Variants in DNM1 observed in about 807,000 individuals in gnomAD.
The protein encoded by DNM1 is dynamin-1.
In DNM1, 29 loss-of-function variants were observed where a neutral mutation model predicts 104.6. The ratio of observed to expected loss-of-function variants is 0.28; its 90% CI spans 0.21 to 0.38. The LOEUF is 0.38. Among genes scored for constraint, DNM1 ranks in the 10% least tolerant of loss-of-function variants. The pLI is 1.00. For missense variants in DNM1, 640 were observed against 1,189.4 expected, an observed-to-expected ratio of 0.54 and a Z score of 6.79; for synonymous variants, 445 against 475.8, an observed-to-expected ratio of 0.94 and a Z score of 0.84.
intron 1 of DNM1, among the ~76,000 whole-genome samples, chr9:128,215,461 G>A (rs972632901): frequency 1.3e-5 from 2 of 152,226 alleles, no homozygotes; most frequent in Non-Finnish European, 2.9e-5. Context: ...GACAGAGATG[G>A]GCCACCTCCC....
Position 128,226,934 on chromosome 9 carries a change from A to G in DNM1, c.1335+2545A>G, listed in dbSNP as rs149677932. 1.0e-4 allele frequency among the ~76,000 whole-genome samples: 15 copies of G among 150,232 alleles called. No individual in the cohort carries two copies. The East Asian group carries it at 2.9e-3, about 30-fold the overall frequency. On this transcript the variant is annotated intron_variant, in intron 10 of 21. Coordinates refer to ENST00000372923, the MANE Select transcript of DNM1 (RefSeq NM_004408.4). The stretch of plus-strand genomic sequence containing the variant: ...GCCCAGCCTCACCTATATCTGAAGG[A>G]CTTCCCTATGCTGGTGGGTGGAGGC...
chr9:128,254,606 C>A lies in DNM1; in HGVS notation c.2535-48C>A. ...GCTGCGCTTGCCTTACCAGCTCTCT[C>A]CTCGCTTTTCTCTCCCGTTTTCTCT... On this transcript the variant is annotated intron_variant, in intron 21 of 21. Coordinates refer to ENST00000372923, the MANE Select transcript of DNM1 (RefSeq NM_004408.4). This position sits in a 1 kb window ranked among gnomAD's most constrained non-coding sequence, Gnocchi z 6.1. The A allele has an allele frequency of 6.3e-7, 1 of 1,590,674 alleles. No individual in the cohort carries two copies. The highest frequency in any genetic ancestry group is 8.5e-7 in the Non-Finnish European group (1 of 1,176,510).
At chr9:128,226,327 C>T (rs966556672) in intron 10 of DNM1, among the ~76,000 whole-genome samples, 4 of 152,196 alleles carry the variant, frequency 2.6e-5, no homozygotes, top group Non-Finnish European at 5.9e-5. Context: ...TGGGTACTTG[C>T]ACTCATGACC....
chr9:128,239,795 C>T lies in DNM1; in HGVS notation c.1545+16C>T, dbSNP rs1351176517. The T allele has an allele frequency of 6.2e-7, 1 of 1,611,638 alleles. No homozygotes were observed. On this transcript the variant is annotated intron_variant, in intron 13 of 21. Transcript: ENST00000372923. ...AGGGAACCAGGTGAGTGGGGCCCAG[C>T]ACCCCAGCCCGAGGGATGGAGGGTG...
chr9:128,239,406 G>C (rs377489813), intron 11 of DNM1, 39 bp from the exon 12 acceptor site: 1 of 1,556,652 alleles, frequency 6.4e-7, no homozygotes, highest in Non-Finnish European at 8.9e-7. Flanking sequence ...ACTTTGTGGT[G>C]TCTTTTGCGC....
Position 128,224,216 on chromosome 9 carries a change from T to C in DNM1, c.1197-35T>C. 6.2e-7 allele frequency: 1 copy of C among 1,602,490 alleles called. No individual in the cohort carries two copies. The highest frequency in any genetic ancestry group is 8.5e-7 in the Non-Finnish European group (1 of 1,173,726). ...GGCCCTCCTGGCCGGCACTGGCCTG[T>C]GACACTCTGCCCTTCTCCCGCTCCG... On this transcript the variant is annotated intron_variant, in intron 9 of 21. Coordinates refer to ENST00000372923, the MANE Select transcript of DNM1 (RefSeq NM_004408.4). This position sits in a 1 kb window ranked among gnomAD's most constrained non-coding sequence, Gnocchi z 4.3.
Position 128,247,246 on chromosome 9 carries a change from G to T in DNM1, c.1782-129G>T. 1 of 594,416 alleles carries T rather than the reference G, an allele frequency of 1.7e-6. No individual in the cohort carries two copies. The highest frequency in any genetic ancestry group is 2.2e-5 in the South Asian group (1 of 46,482). The allele number at this position is 594,416 out of a possible 1,614,324, so 36.8% of individuals were successfully genotyped here. A position where few individuals can be genotyped will look rare whatever the true frequency, so the allele number is the denominator to read the frequency against. The stretch of plus-strand genomic sequence containing the variant: ...AACTGAGGCTGAGAGGAAGGGACTT[G>T]CACAGGGTCACACAGCTGGGAAATG... On this transcript the variant is annotated intron_variant, in intron 16 of 21. Transcript: ENST00000372923. The surrounding 1 kb of genome is among the most constrained non-coding windows in gnomAD (Gnocchi z 5.1).
At position 128,253,934 on chromosome 9, in the gene DNM1, C is replaced by T; in HGVS notation, c.2535-720C>T. On this transcript the variant is annotated intron_variant, in intron 21 of 21. Transcript: ENST00000372923. The surrounding 1 kb of genome is among the most constrained non-coding windows in gnomAD (Gnocchi z 5.9). ...AAGGGGACGACCGTGCCTGCTGGCC[C>T]AGCTGAGCTCCGCCCAGTGAGCCCA... 2 of 1,233,010 alleles carry T rather than the reference C, an allele frequency of 1.6e-6. No individual in the cohort carries two copies. Among genetic ancestry groups the T allele is most frequent in the Non-Finnish European group, 2.0e-6 (2 of 988,702 alleles). 76.4% of individuals were successfully genotyped at this position (1,233,010 alleles called of 1,614,324 possible). A position where few individuals can be genotyped will look rare whatever the true frequency, so the allele number is the denominator to read the frequency against.
At position 128,218,118 on chromosome 9, in the gene DNM1, G is replaced by A; in HGVS notation, c.162-113G>A. The A allele has an allele frequency of 2.0e-6, 2 of 982,052 alleles. No individual in the cohort carries two copies. Among genetic ancestry groups the A allele is most frequent in the Non-Finnish European group, 3.3e-6 (2 of 605,880 alleles). The allele number at this position is 982,052 out of a possible 1,614,324, so 60.8% of individuals were successfully genotyped here. On this transcript the variant is annotated intron_variant, in intron 1 of 21. Transcript: ENST00000372923. The surrounding 1 kb of genome is among the most constrained non-coding windows in gnomAD (Gnocchi z 4.8). Reference sequence around the variant, plus strand: ...TGAAGCCCCTGGGCTAAGGAGCGGTGGAGCCAGCACTTTGGAAGGAGCTTT... The same window carrying A: ...TGAAGCCCCTGGGCTAAGGAGCGGTAGAGCCAGCACTTTGGAAGGAGCTTT...
In DNM1 at chr9:128,222,105, C is replaced by T. The variant is rs911338676; in HGVS notation, c.850-92C>T. 1.1e-4 allele frequency: 157 copies of T among 1,486,602 alleles called. No homozygotes were observed. The highest frequency in any genetic ancestry group is 1.4e-4 in the Non-Finnish European group (150 of 1,103,144). 92.1% of individuals were successfully genotyped at this position (1,486,602 alleles called of 1,614,324 possible). On this transcript the variant is annotated intron_variant, in intron 6 of 21. Coordinates refer to ENST00000372923, the MANE Select transcript of DNM1 (RefSeq NM_004408.4). The surrounding 1 kb of genome is among the most constrained non-coding windows in gnomAD (Gnocchi z 7.8). ...CAGGGCTGCCCTCCATAGCTCTCCA[C>T]CTCACCACGTTCACACAGTCCCCTG...
intron 15 of DNM1, 98 bp downstream of exon 15, chr9:128,242,443 G>C (rs1289596780): frequency 4.4e-6 from 3 of 689,124 alleles, no homozygotes; most frequent in African/African-American, 1.8e-5. Flanking sequence ...CCATGGAATA[G>C]GGTTTTAAAA....
Position 128,222,521 on chromosome 9 carries a change from C to T in DNM1, c.1053C>T (p.Ile351=), listed in dbSNP as rs1420306273. 9.3e-6 allele frequency: 15 copies of T among 1,614,056 alleles called. No individual in the cohort carries two copies. The highest frequency in any genetic ancestry group is 8.3e-5 in the Admixed American group (5 of 60,004). ...GCATTGAGGGCTCAGGAGATCAGAT[C>T]GACACCTACGAACTGTCAGGGGGAG... ...EKRIEGSGDQ[I]DTYELSGGAR... is the part of the protein sequence containing the mutation. The change falls in exon 8 of 22, where the codon ATC becomes ATT. Residue 351 remains isoleucine (I), a synonymous_variant. Coordinates refer to ENST00000372923, the MANE Select transcript of DNM1 (RefSeq NM_004408.4). This position sits in a 1 kb window ranked among gnomAD's most constrained non-coding sequence, Gnocchi z 7.8.
intron 1 of DNM1, among the ~76,000 whole-genome samples, chr9:128,205,618 A>T (rs1192550708): frequency 6.6e-6 from 1 of 152,104 alleles, no homozygotes; most frequent in Non-Finnish European, 1.5e-5. Flanking sequence ...CCATTTCCCC[A>T]TCTGCGGAAT....
At position 128,253,037 on chromosome 9, in the gene DNM1, C is replaced by G. The variant is rs912942370; in HGVS notation, c.2535-1617C>G. The stretch of plus-strand genomic sequence containing the variant: ...CCGGGCGTGTGCGTGTGTGTGTCCC[C>G]CACCCCCAGGCCGGCCCCACCCGTG... On this transcript the variant is annotated intron_variant, in intron 21 of 21. Transcript: ENST00000372923. The surrounding 1 kb of genome is among the most constrained non-coding windows in gnomAD (Gnocchi z 5.9). 6.4e-7 allele frequency: 1 copy of G among 1,554,250 alleles called. No individual in the cohort carries two copies. Among genetic ancestry groups the G allele is most frequent in the African/African-American group, 1.4e-5 (1 of 73,742 alleles).
chr9:128,220,173 G>T lies in DNM1; in HGVS notation c.689-8G>T, dbSNP rs760856978. On this transcript the variant is annotated splice_region_variant and splice_polypyrimidine_tract_variant and intron_variant, in intron 5 of 21. Transcript: ENST00000372923. This position sits in a 1 kb window ranked among gnomAD's most constrained non-coding sequence, Gnocchi z 5.2. ...GGCTGGTTGCCCTGACCTTGATACT[G>T]TTCACAGGCTACATTGGAGTGGTGA... is the stretch of plus-strand genomic sequence containing the variant. The T allele has an allele frequency of 3.7e-6, 6 of 1,613,958 alleles. No homozygotes were observed. In the African/African-American group the frequency reaches 8.0e-5, roughly 22 times the overall value.
chr9:128,226,049 C>T, intron 10 of DNM1: 1 of 1,612,788 alleles, frequency 6.2e-7, no homozygotes, highest in Non-Finnish European at 8.5e-7. Context: ...GGCCTCTTCA[C>T]ACCTGACCTC....
rs192769102 is a variant in DNM1 at position 128,222,984 on chromosome 9, C to T, written c.1196+124C>T. The T allele has an allele frequency of 7.3e-6, 7 of 962,712 alleles. No individual in the cohort carries two copies. The highest frequency in any genetic ancestry group is 3.0e-4 in the Middle Eastern group (1 of 3,366). The allele number at this position is 962,712 out of a possible 1,614,324, so 59.6% of individuals were successfully genotyped here. The stretch of plus-strand genomic sequence containing the variant: ...TGAAAGCTCTGTTCCCCAGTCCTCT[C>T]GACCCCAACTTTCTGGCTCCCTGCA... On this transcript the variant is annotated intron_variant, in intron 9 of 21. Transcript: ENST00000372923. The surrounding 1 kb of genome is among the most constrained non-coding windows in gnomAD (Gnocchi z 7.8).
At chr9:128,235,954 C>G (rs974116798) in intron 11 of DNM1, among the ~76,000 whole-genome samples, 8 of 152,022 alleles carry the variant, frequency 5.3e-5, no homozygotes, top group Non-Finnish European at 7.4e-5. Flanking sequence ...TGGGCTCAAG[C>G]GATCTGCCTC....
chr9:128,232,339 G>A (rs1401940005), intron 10 of DNM1, among the ~76,000 whole-genome samples: 1 of 152,074 alleles, frequency 6.6e-6, no homozygotes, highest in Non-Finnish European at 1.5e-5. Flanking sequence ...GGGTTCACAG[G>A]GCCCCTCTAG....
Sources: gnomAD v4.1 joint callset for allele counts (sites outside exome capture counted in the v4.1 genomes callset) on GRCh38, gnomAD v4.1.1 for gene constraint, Gnocchi (gnomAD v3.1) non-coding constraint, MANE v1.5 for transcripts, NCBI Gene and HGNC (gene_info 2026-07-23, HGNC 2026-07-21) for gene names.